The following ELP3 variants were observed in gnomAD, a reference collection of about 807,000 sequenced individuals.
The protein encoded by ELP3 is elongator complex protein 3.
A neutral mutation model predicts 74.9 loss-of-function variants in ELP3; 56 were observed. The ratio of observed to expected loss-of-function variants is 0.75; its 90% CI spans 0.60 to 0.93. The LOEUF is 0.93. Among genes scored for constraint, ELP3 ranks in the 40% least tolerant of loss-of-function variants. The pLI is 0.00. For missense variants in ELP3, 573 were observed against 686.5 expected (o/e 0.83, Z 1.85); for synonymous variants, 222 against 239.8 (o/e 0.93, Z 0.68).
intron 7 of ELP3, among the ~76,000 whole-genome samples, chr8:28,125,675 G>A (rs1206517658): frequency 1.3e-5 from 2 of 150,924 alleles, no homozygotes; most frequent in Non-Finnish European, 2.9e-5. Context: ...CTTCTTTCCA[G>A]AAATAGAAAC....
chr8:28,098,632 C>T (rs552163132), intron 2 of ELP3, among the ~76,000 whole-genome samples: 3 of 152,366 alleles, frequency 2.0e-5, no homozygotes, highest in East Asian at 3.9e-4. Context: ...TCAGATGTCA[C>T]CAGCCTATTA....
At chr8:28,185,065 T>C (rs1455461736) in intron 14 of ELP3, among the ~76,000 whole-genome samples, 1 of 152,210 alleles carries the variant, frequency 6.6e-6, no homozygotes. Flanking sequence ...TTCTGCACTT[T>C]TGTGTGTTTG....
At chr8:28,112,979 A>G in intron 6 of ELP3, 40 bp from the exon 7 acceptor site, 2 of 1,584,288 alleles carry the variant, frequency 1.3e-6, no homozygotes, top group Non-Finnish European at 1.7e-6. Context: ...GTAGTTCCTT[A>G]TGCTTATATC....
chr8:28,133,047 CAG>C (rs746503132), intron 9 of ELP3, among the ~76,000 whole-genome samples: 8 of 152,084 alleles, frequency 5.3e-5, no homozygotes, highest in East Asian at 1.9e-4. Flanking sequence ...CTCATTTCAG[CAG>C]AGTTTTTCTT....
At chr8:28,160,705 T>G (rs1456114279) in intron 13 of ELP3, among the ~76,000 whole-genome samples, 2 of 151,794 alleles carry the variant, frequency 1.3e-5, no homozygotes, top group South Asian at 2.1e-4. Context: ...ATGGAATTGG[T>G]TTTTTTTGAG....
intron 14 of ELP3, among the ~76,000 whole-genome samples, chr8:28,174,567 T>G (rs1453585354): frequency 6.6e-6 from 1 of 152,164 alleles, no homozygotes; most frequent in Admixed American, 6.5e-5. Context: ...CTCTGTATTG[T>G]TATTGTCACA....
chr8:28,144,841 C>T (rs746176668), intron 10 of ELP3, among the ~76,000 whole-genome samples: 19 of 152,200 alleles, frequency 1.2e-4, no homozygotes, highest in Non-Finnish European at 2.2e-4. Flanking sequence ...GAGTTCAAGA[C>T]CAGCCTGGCC....
chr8:28,180,222 A>G (rs1246690540), intron 14 of ELP3, among the ~76,000 whole-genome samples: 1 of 149,216 alleles, frequency 6.7e-6, no homozygotes, highest in East Asian at 1.9e-4. Flanking sequence ...TATTGACTCT[A>G]TCCCATTCTC....
intron 6 of ELP3, 58 bp downstream of exon 6, chr8:28,110,496 C>A: frequency 7.4e-7 from 1 of 1,352,430 alleles, no homozygotes; most frequent in Non-Finnish European, 1.0e-6. Context: ...AGTAAGAAGC[C>A]ATTGTTGCTT....
At chr8:28,176,142 T>A (rs1370426470) in intron 14 of ELP3, among the ~76,000 whole-genome samples, 1 of 152,066 alleles carries the variant, frequency 6.6e-6, no homozygotes, top group Non-Finnish European at 1.5e-5. Context: ...TCCAAACTAT[T>A]TTTGCAAAGT....
At chr8:28,142,627 G>T (rs1459260053) in intron 10 of ELP3, among the ~76,000 whole-genome samples, 1 of 152,198 alleles carries the variant, frequency 6.6e-6, no homozygotes, top group Non-Finnish European at 1.5e-5. Context: ...TGATGACTCA[G>T]TTCCTAACAC....
At chr8:28,097,912 G>A (rs1811318061) in intron 2 of ELP3, among the ~76,000 whole-genome samples, 1 of 152,168 alleles carries the variant, frequency 6.6e-6, no homozygotes, top group Non-Finnish European at 1.5e-5. Flanking sequence ...ATTTGTCCAG[G>A]GGTAAGTAAC....
intron 10 of ELP3, among the ~76,000 whole-genome samples, chr8:28,144,609 GA>G (rs911318046): frequency 1.3e-5 from 2 of 152,112 alleles, no homozygotes; most frequent in Non-Finnish European, 2.9e-5. Flanking sequence ...AACAGAGTAA[GA>G]CCCTGTCTCC....
intron 14 of ELP3, among the ~76,000 whole-genome samples, chr8:28,171,731 G>A (rs544611547): frequency 6.6e-6 from 1 of 152,236 alleles, no homozygotes; most frequent in Non-Finnish European, 1.5e-5. Context: ...CATTGCCAAG[G>A]TGAAGGACAT....
intron 9 of ELP3, among the ~76,000 whole-genome samples, chr8:28,134,794 TTA>T (rs1812918074): frequency 6.6e-6 from 1 of 152,236 alleles, no homozygotes; most frequent in South Asian, 2.1e-4. Flanking sequence ...CAGATTTTTT[TTA>T]TACATTTTAT....
In ELP3 at chr8:28,190,795, G is replaced by A. The variant is rs1054915700; in HGVS notation, c.*1070G>A. ...GCTGGTCTCGAACTCCTGACCTCAG[G>A]TGATCAACCCACCTTGGCCTCCCTA... On this transcript the variant is annotated 3_prime_UTR_variant, in exon 15 of 15. Transcript: ENST00000256398. 5.3e-5 allele frequency: 8 copies of A among 152,196 alleles called. No individual in the cohort carries two copies. Among genetic ancestry groups the A allele is most frequent in the African/African-American group, 1.7e-4 (7 of 41,430 alleles). 9.4% of individuals were successfully genotyped at this position (152,196 alleles called of 1,614,324 possible). A position where few individuals can be genotyped will look rare whatever the true frequency, so the allele number is the denominator to read the frequency against.
chr8:28,101,840 T>C (rs1183817180), intron 3 of ELP3, among the ~76,000 whole-genome samples: 1 of 152,188 alleles, frequency 6.6e-6, no homozygotes, highest in East Asian at 1.9e-4. Flanking sequence ...TCTGCCCGCC[T>C]CAGCCTCCCA....
intron 7 of ELP3, among the ~76,000 whole-genome samples, chr8:28,116,632 TGGGAGGCCGAG>T (rs773398761): frequency 9.9e-5 from 15 of 152,048 alleles, no homozygotes; most frequent in Non-Finnish European, 1.9e-4. Flanking sequence ...CCCAGCTACT[TGGGAGGCCGAG>T]GCACAGAAAC....
intron 14 of ELP3, chr8:28,183,413 T>A (rs184234042): frequency 3.3e-4 from 118 of 362,284 alleles, no homozygotes; most frequent in African/African-American, 2.2e-3. Context: ...AGCCAGTGTT[T>A]GGACTCCCCC....
Sources: allele counts gnomAD v4.1 joint callset (sites outside exome capture counted in the v4.1 genomes callset), GRCh38; gene constraint gnomAD v4.1.1; transcripts MANE v1.5; gene names NCBI Gene and HGNC (gene_info 2026-07-23, HGNC 2026-07-21).